The following SEC14L1 variants were observed in gnomAD, a reference collection of about 807,000 sequenced individuals.
SEC14L1 encodes the protein SEC14 like lipid binding 1, also known as SEC14-like protein 1.
A neutral mutation model predicts 85.3 loss-of-function variants in SEC14L1; 48 were observed. That is an observed-to-expected ratio of 0.56 (90% confidence interval 0.45 to 0.72). The LOEUF (loss-of-function observed/expected upper bound fraction) is 0.72, where lower values mean the gene tolerates loss of function less well. Ranked by LOEUF, SEC14L1 falls within the 30% of genes least tolerant of loss-of-function variation. SEC14L1 has a pLI of 0.00. For missense variants in SEC14L1, 682 were observed against 921.4 expected (o/e 0.74, Z 3.36); for synonymous variants, 391 against 355.5 (o/e 1.10, Z -1.12).
chr17:77,147,752 C>A (rs964260697), intron 3 of SEC14L1, among the ~76,000 whole-genome samples: 8 of 152,146 alleles, frequency 5.3e-5, no homozygotes, highest in African/African-American at 1.4e-4. Context: ...ACAAGGAAGG[C>A]GCACCAGGGA....
intron 3 of SEC14L1, among the ~76,000 whole-genome samples, chr17:77,117,829 T>C (rs1972211608): frequency 6.6e-6 from 1 of 152,222 alleles, no homozygotes; most frequent in South Asian, 2.1e-4. Context: ...CTATGCAGAA[T>C]GACAGAATGA....
In SEC14L1 at chr17:77,213,706, CT is replaced by C. The variant is rs1976891962; in HGVS notation, c.2043-209del. 1 of 860,120 alleles carries C rather than the reference CT, an allele frequency of 1.2e-6. No individual in the cohort carries two copies. The allele number at this position is 860,120 out of a possible 1,614,324, so 53.3% of individuals were successfully genotyped here. Reference sequence around the variant, plus strand: ...GTCGGAGACAGAGCCGACTGACTGCCTTTGCTTTAGCTCACACTGCCGTCTG... The same window carrying C: ...GTCGGAGACAGAGCCGACTGACTGCCTTGCTTTAGCTCACACTGCCGTCTG... On this transcript the variant is annotated intron_variant, in intron 16 of 16. Coordinates refer to ENST00000436233, the MANE Select transcript of SEC14L1 (RefSeq NM_001143998.2). This position sits in a 1 kb window ranked among gnomAD's most constrained non-coding sequence, Gnocchi z 7.1.
In SEC14L1 at chr17:77,216,755, C is replaced by A; in HGVS notation, c.*2732C>A. 1.0e-6 allele frequency: 1 copy of A among 970,322 alleles called. No homozygotes were observed. The highest frequency in any genetic ancestry group is 1.5e-6 in the Non-Finnish European group (1 of 657,054). The allele number at this position is 970,322 out of a possible 1,614,324, so 60.1% of individuals were successfully genotyped here. On this transcript the variant is annotated 3_prime_UTR_variant, in exon 17 of 17. Transcript: ENST00000436233. ...TTGAAGAGCTCAAAGCACATGACCG[C>A]ACAAATGCTTACAGGGTTTCCTCCC...
chr17:77,203,332 G>C (rs1294044271), intron 9 of SEC14L1, among the ~76,000 whole-genome samples: 1 of 152,122 alleles, frequency 6.6e-6, no homozygotes, highest in Non-Finnish European at 1.5e-5. Context: ...CTATTTCCAG[G>C]ACCCTGCACA....
At chr17:77,154,363 A>G (rs1432046780) in intron 3 of SEC14L1, among the ~76,000 whole-genome samples, 2 of 152,176 alleles carry the variant, frequency 1.3e-5, no homozygotes, top group African/African-American at 4.8e-5. Flanking sequence ...AGTCTCAGCT[A>G]CTCAGGAGAC....
chr17:77,126,993 AT>A (rs991192700), intron 3 of SEC14L1, among the ~76,000 whole-genome samples: 30 of 143,720 alleles, frequency 2.1e-4, no homozygotes, highest in South Asian at 8.9e-4. Context: ...ATTTTTATTT[AT>A]TTTTTTTCTT....
At chr17:77,170,909 T>C (rs1458701099) in intron 3 of SEC14L1, among the ~76,000 whole-genome samples, 1 of 152,160 alleles carries the variant, frequency 6.6e-6, no homozygotes, top group Non-Finnish European at 1.5e-5. Flanking sequence ...TATAATTTGT[T>C]TTAATAAGGT....
chr17:77,129,363 A>T (rs890002514), intron 3 of SEC14L1, among the ~76,000 whole-genome samples: 3 of 152,030 alleles, frequency 2.0e-5, no homozygotes, highest in African/African-American at 4.8e-5. Flanking sequence ...GCTCAATCAG[A>T]CCCACAGGTC....
At chr17:77,191,689 A>G (rs1443224773) in intron 5 of SEC14L1, among the ~76,000 whole-genome samples, 1 of 151,410 alleles carries the variant, frequency 6.6e-6, no homozygotes, top group African/African-American at 2.4e-5. Context: ...ATTACAGGCA[A>G]GCGCCACCAC....
At chr17:77,138,723 G>C (rs1972867530), upstream of SEC14L1, among the ~76,000 whole-genome samples, 1 of 152,192 alleles carries the variant, frequency 6.6e-6, no homozygotes, top group Non-Finnish European at 1.5e-5. Flanking sequence ...TACTCAGAAG[G>C]CTGAGGTGGG....
intron 3 of SEC14L1, among the ~76,000 whole-genome samples, chr17:77,107,669 G>A (rs1399438477): frequency 1.3e-5 from 2 of 152,116 alleles, no homozygotes; most frequent in East Asian, 1.9e-4. Flanking sequence ...ACACACCGAG[G>A]GGCTTGGGGG....
At chr17:77,140,628 G>C (rs1401425696), upstream of SEC14L1, 1 of 152,444 alleles carries the variant, frequency 6.6e-6, no homozygotes, top group East Asian at 1.9e-4. Context: ...GCCCCTTGGG[G>C]CTTCACTCCG....
chr17:77,187,121 G>T (rs1975299230), intron 3 of SEC14L1, among the ~76,000 whole-genome samples: 1 of 152,098 alleles, frequency 6.6e-6, no homozygotes, highest in Admixed American at 6.6e-5. Flanking sequence ...GATTTGAGAT[G>T]CTCAACCAGT....
rs151186797 is a variant in SEC14L1, at chr17:77,180,204, A to G, written c.64-10599A>G. Among the ~76,000 whole-genome samples, 1,151 of 145,106 alleles carry G rather than the reference A, an allele frequency of 7.9e-3. 16 individuals are homozygous for G. Among genetic ancestry groups the G allele is most frequent in the African/African-American group, 0.028 (1,074 of 39,052 alleles). ...CTGCAACCCCTGCCTCCTGGTTTCA[A>G]GCGATTCTCCTGCCTCAACCTCTCG... On this transcript the variant is annotated intron_variant, in intron 3 of 16. Coordinates refer to ENST00000436233, the MANE Select transcript of SEC14L1 (RefSeq NM_001143998.2).
intron 4 of SEC14L1, 104 bp downstream of exon 4, chr17:77,191,056 A>AG (rs1567920780): frequency 6.5e-7 from 1 of 1,537,224 alleles, no homozygotes; most frequent in Non-Finnish European, 8.9e-7. Flanking sequence ...CTGGAGGGAG[A>AG]GGGCGTCCTG....
In SEC14L1 at chr17:77,216,782, A is replaced by G. The variant is rs978858899; in HGVS notation, c.*2759A>G. The G allele has an allele frequency of 2.7e-6, 2 of 754,610 alleles. No homozygotes were observed. The highest frequency in any genetic ancestry group is 2.8e-5 in the East Asian group (1 of 36,064). 46.7% of individuals were successfully genotyped at this position (754,610 alleles called of 1,614,324 possible). ...CAAATGCTTACAGGGTTTCCTCCCG[A>G]GTAATCCAATCTCACTCCCCTTGTA... is the stretch of plus-strand genomic sequence containing the variant. On this transcript the variant is annotated 3_prime_UTR_variant, in exon 17 of 17. Transcript: ENST00000436233.
intron 3 of SEC14L1, among the ~76,000 whole-genome samples, chr17:77,125,883 G>T (rs1034689804): frequency 6.6e-6 from 1 of 152,214 alleles, no homozygotes; most frequent in Non-Finnish European, 1.5e-5. Context: ...CGGGCGGGGT[G>T]GCTCACACCT....
chr17:77,154,033 A>C (rs1299019387), intron 3 of SEC14L1, among the ~76,000 whole-genome samples: 2 of 152,274 alleles, frequency 1.3e-5, no homozygotes, highest in Non-Finnish European at 2.9e-5. Context: ...CCACAGATAC[A>C]ACCAACCGTG....
intron 3 of SEC14L1, among the ~76,000 whole-genome samples, chr17:77,155,545 T>A (rs1278941581): frequency 6.6e-6 from 1 of 152,142 alleles, no homozygotes; most frequent in Non-Finnish European, 1.5e-5. Flanking sequence ...GCGCTCACTT[T>A]GCTCTTCTGT....
Sources: gnomAD v4.1 joint callset for allele counts (sites outside exome capture counted in the v4.1 genomes callset) on GRCh38, gnomAD v4.1.1 for gene constraint, Gnocchi (gnomAD v3.1) non-coding constraint, MANE v1.5 for transcripts, NCBI Gene and HGNC (gene_info 2026-07-23, HGNC 2026-07-21) for gene names.